Variants in KCNMB4 observed in about 807,000 individuals in gnomAD.
KCNMB4 encodes the protein potassium calcium-activated channel subfamily M regulatory beta subunit 4.
KCNMB4 carries 3 observed loss-of-function variants against 20.7 expected under a neutral mutation model. That is an observed-to-expected ratio of 0.14 (90% confidence interval 0.07 to 0.37). KCNMB4 has a LOEUF of 0.37. Among genes scored for constraint, KCNMB4 ranks in the 10% least tolerant of loss-of-function variants. The probability of loss-of-function intolerance (pLI) is 1.00; values close to 1 mark genes in which losing one functional copy is unlikely to be tolerated. For synonymous variants in KCNMB4, 110 were observed against 113.4 expected, an observed-to-expected ratio of 0.97 and a Z score of 0.19; for missense variants, 168 against 265.9, an observed-to-expected ratio of 0.63 and a Z score of 2.56.
chr12:70,400,751 A>G (rs1868427374), intron 2 of KCNMB4, among the ~76,000 whole-genome samples: 1 of 152,178 alleles, frequency 6.6e-6, no homozygotes, highest in Non-Finnish European at 1.5e-5. Flanking sequence ...TTTATACCAT[A>G]TAAACCATGT....
intron 2 of KCNMB4, among the ~76,000 whole-genome samples, chr12:70,410,774 G>C (rs147613941): frequency 6.6e-6 from 1 of 151,946 alleles, no homozygotes; most frequent in Non-Finnish European, 1.5e-5. Flanking sequence ...AAATAATGAG[G>C]GTTTTATGAA....
intron 1 of KCNMB4, among the ~76,000 whole-genome samples, chr12:70,395,537 A>G (rs1431523763): frequency 6.6e-6 from 1 of 152,230 alleles, no homozygotes; most frequent in Non-Finnish European, 1.5e-5. Context: ...ATGCTGTTAT[A>G]AATCTTGACA....
intron 1 of KCNMB4, among the ~76,000 whole-genome samples, chr12:70,368,590 T>C (rs926945933): frequency 1.1e-4 from 16 of 142,284 alleles, no homozygotes; most frequent in African/African-American, 4.5e-4. Context: ...TTTAGAAACA[T>C]TTTTTTTTTT....
intron 1 of KCNMB4, among the ~76,000 whole-genome samples, chr12:70,392,863 A>AG (rs567276297): frequency 1.3e-5 from 2 of 152,346 alleles, no homozygotes; most frequent in East Asian, 3.9e-4. Context: ...AAATAGCATT[A>AG]GGAGAAATAC....
intron 2 of KCNMB4, among the ~76,000 whole-genome samples, chr12:70,404,752 C>T (rs1868548813): frequency 6.6e-6 from 1 of 152,210 alleles, no homozygotes; most frequent in South Asian, 2.1e-4. Context: ...GACAGTCTAG[C>T]TCTGAGTATG....
At chr12:70,375,138 T>C (rs1209242521) in intron 1 of KCNMB4, among the ~76,000 whole-genome samples, 2 of 152,212 alleles carry the variant, frequency 1.3e-5, no homozygotes, top group African/African-American at 4.8e-5. Flanking sequence ...AGTTTTTTGT[T>C]TCTGTTAATT....
chr12:70,424,611 G>A (rs1291286888), intron 2 of KCNMB4, among the ~76,000 whole-genome samples: 2 of 151,942 alleles, frequency 1.3e-5, no homozygotes, highest in African/African-American at 2.4e-5. Flanking sequence ...TTAGCCGGAT[G>A]TGGTGGCACA....
chr12:70,422,940 A>T, intron 2 of KCNMB4: 1 of 738,456 alleles, frequency 1.4e-6, no homozygotes, highest in Non-Finnish European at 1.7e-6. Flanking sequence ...CTTGGTTGAG[A>T]CAATTACTTC....
In KCNMB4 at chr12:70,398,328, A is replaced by T. The variant is rs144585894; in HGVS notation, c.337-1881A>T. Among the ~76,000 whole-genome samples, 211 of 152,226 alleles carry T rather than the reference A, an allele frequency of 1.4e-3. 4 individuals are homozygous for T. In the East Asian group the frequency reaches 0.031, roughly 22 times the overall value. On this transcript the variant is annotated intron_variant, in intron 1 of 2. Coordinates refer to ENST00000258111, the MANE Select transcript of KCNMB4 (RefSeq NM_014505.6). ...TTATTTTGGAGATTTTGCATATTTGAAAAAATGAAGTCCAGAAAAGGGAAG... is the reference window on the plus strand; with the variant it reads ...TTATTTTGGAGATTTTGCATATTTGTAAAAATGAAGTCCAGAAAAGGGAAG...
chr12:70,415,550 A>G (rs1868893241), intron 2 of KCNMB4, among the ~76,000 whole-genome samples: 1 of 152,220 alleles, frequency 6.6e-6, no homozygotes. Context: ...AACATTTTTT[A>G]AAGTGCGTTG....
chr12:70,387,326 T>C (rs1484863416), intron 1 of KCNMB4, among the ~76,000 whole-genome samples: 1 of 152,094 alleles, frequency 6.6e-6, no homozygotes, highest in Non-Finnish European at 1.5e-5. Context: ...GTTTGAACAT[T>C]TCATCACATA....
chr12:70,388,166 T>C (rs1448865300), intron 1 of KCNMB4, among the ~76,000 whole-genome samples: 1 of 152,204 alleles, frequency 6.6e-6, no homozygotes, highest in Non-Finnish European at 1.5e-5. Flanking sequence ...CTCATTCTTT[T>C]TTATAGCTCA....
chr12:70,430,327 A>G (rs1869329638), intron 2 of KCNMB4, among the ~76,000 whole-genome samples, 158 bp from the exon 3 acceptor site: 1 of 152,234 alleles, frequency 6.6e-6, no homozygotes, highest in Admixed American at 6.5e-5. Flanking sequence ...ACTTTCTGTA[A>G]TGGGTTTGAA....
Position 70,371,102 on chromosome 12 carries a change from CT to C in KCNMB4, c.336+4033del, listed in dbSNP as rs1412710196. ...CAACTCCTGGCCTCAAGTGATCCCC[CT>C]GCCTCAGCCTCCCAAAGTGCTGGGA... On this transcript the variant is annotated intron_variant, in intron 1 of 2. Coordinates refer to ENST00000258111, the MANE Select transcript of KCNMB4 (RefSeq NM_014505.6). Among the ~76,000 whole-genome samples the C allele has an allele frequency of 5.3e-5, 8 of 152,328 alleles. No homozygotes were observed. In the South Asian group the frequency reaches 1.4e-3, roughly 28 times the overall value.
intron 2 of KCNMB4, among the ~76,000 whole-genome samples, chr12:70,418,227 G>C (rs1868961163): frequency 6.6e-6 from 1 of 151,940 alleles, no homozygotes; most frequent in African/African-American, 2.4e-5. Flanking sequence ...GCATATTTTG[G>C]GTGCATCAGT....
chr12:70,422,910 C>T lies in KCNMB4; in HGVS notation c.465-7575C>T, dbSNP rs757250077. The T allele has an allele frequency of 5.8e-6, 6 of 1,028,274 alleles. No homozygotes were observed. In the South Asian group the frequency reaches 1.2e-4, roughly 20 times the overall value. The allele number at this position is 1,028,274 out of a possible 1,614,324, so 63.7% of individuals were successfully genotyped here. ...GAGCACAGAGTGGCGACGGTTTCCC[C>T]AGGCCTCTACTTTAGGAGACTTGGT... On this transcript the variant is annotated intron_variant, in intron 2 of 2. Coordinates refer to ENST00000258111, the MANE Select transcript of KCNMB4 (RefSeq NM_014505.6).
chr12:70,398,083 A>G (rs1241405676), intron 1 of KCNMB4, among the ~76,000 whole-genome samples: 1 of 152,176 alleles, frequency 6.6e-6, no homozygotes, highest in Non-Finnish European at 1.5e-5. Context: ...TCTTGTGAAC[A>G]TTTTTCTAAT....
At chr12:70,379,730 T>C (rs1883751635) in intron 1 of KCNMB4, among the ~76,000 whole-genome samples, 1 of 152,210 alleles carries the variant, frequency 6.6e-6, no homozygotes, top group African/African-American at 2.4e-5. Flanking sequence ...ACTTTTATGT[T>C]ATGAAGATGG....
intron 1 of KCNMB4, among the ~76,000 whole-genome samples, chr12:70,375,381 T>C (rs983499095): frequency 4.0e-5 from 6 of 151,700 alleles, no homozygotes; most frequent in African/African-American, 1.5e-4. Context: ...ACACCTGTAA[T>C]ACCAATACTC....
Sources: allele counts gnomAD v4.1 joint callset (sites outside exome capture counted in the v4.1 genomes callset), GRCh38; gene constraint gnomAD v4.1.1; transcripts MANE v1.5; gene names NCBI Gene and HGNC (gene_info 2026-07-23, HGNC 2026-07-21).